The following SV2C variants were observed in gnomAD, a reference collection of about 807,000 sequenced individuals.
SV2C encodes solute carrier family 22 member B3.
A neutral mutation model predicts 79.7 loss-of-function variants in SV2C; 49 were observed. That is an observed-to-expected ratio of 0.61 (90% CI 0.49 to 0.78). The LOEUF (loss-of-function observed/expected upper bound fraction) is 0.78. SV2C is among the 30% of genes least tolerant of loss of function. The pLI, the probability that SV2C is intolerant of heterozygous loss-of-function variation, is 0.00. For missense variants in SV2C, 833 were observed against 912.9 expected, an observed-to-expected ratio of 0.91 and a Z score of 1.13; for synonymous variants, 334 against 333.2, an observed-to-expected ratio of 1.00 and a Z score of -0.03.
At chr5:75,994,934 C>G in the SV2C span, among the ~76,000 whole-genome samples, 1 of 152,154 alleles carries the variant, frequency 6.6e-6, no homozygotes, top group Non-Finnish European at 1.5e-5. Flanking sequence ...CAAGGGGAAT[C>G]AATGGTGTAG....
chr5:76,016,383 G>T, the SV2C span, among the ~76,000 whole-genome samples: 1 of 151,754 alleles, frequency 6.6e-6, no homozygotes, highest in Admixed American at 6.6e-5. Context: ...GACCAACCTG[G>T]AGAGGGGCAG....
Position 76,298,910 on chromosome 5 carries a change from CTGTTTTTGACAA to C in SV2C, c.1620_1631del (p.Val541_Asn544del). On this transcript the variant is annotated inframe_deletion, in exon 10 of 13. Coordinates refer to ENST00000502798, the MANE Select transcript of SV2C (RefSeq NM_014979.4). ...TTCAAGAACTGCACATTTATTGACA[CTGTTTTTGACAA>C]CACAGGTAGGTGTGCTACTTAGTAC... 1 of 1,613,822 alleles carries C rather than the reference CTGTTTTTGACAA, an allele frequency of 6.2e-7. No individual in the cohort carries two copies. Among genetic ancestry groups the C allele is most frequent in the Non-Finnish European group, 8.5e-7 (1 of 1,179,828 alleles).
intron 3 of SV2C, among the ~76,000 whole-genome samples, chr5:76,199,358 G>A (rs1363207667): frequency 1.3e-5 from 2 of 152,064 alleles, no homozygotes; most frequent in South Asian, 2.1e-4. Flanking sequence ...ATAGGCCCCC[G>A]CACTCCACGC....
Position 76,159,757 on chromosome 5 carries a change from C to T in SV2C, c.580+27427C>T, listed in dbSNP as rs183516614. 2.5e-3 allele frequency among the ~76,000 whole-genome samples: 387 copies of T among 152,142 alleles called. 1 individual carries two copies. Among genetic ancestry groups the T allele is most frequent in the Non-Finnish European group, 3.3e-3 (221 of 67,962 alleles). On this transcript the variant is annotated intron_variant, in intron 2 of 12. Transcript: ENST00000502798. Reference sequence around the variant, plus strand: ...AGGGCCTACCCTACTCTAGTATGACCTCACCTTAACTAATTACATCTGTAA... The same window carrying T: ...AGGGCCTACCCTACTCTAGTATGACTTCACCTTAACTAATTACATCTGTAA...
chr5:75,995,268 G>A, the SV2C span, among the ~76,000 whole-genome samples: 1 of 152,058 alleles, frequency 6.6e-6, no homozygotes, highest in African/African-American at 2.4e-5. Flanking sequence ...GTTAATACAT[G>A]AAATTAACCA....
At chr5:76,047,656 G>T in the SV2C span, among the ~76,000 whole-genome samples, 3 of 151,922 alleles carry the variant, frequency 2.0e-5, no homozygotes, top group Non-Finnish European at 4.4e-5. Flanking sequence ...AATTATGCTA[G>T]ACAGTAAACT....
the SV2C span, among the ~76,000 whole-genome samples, chr5:75,850,180 T>C: frequency 1.2e-4 from 19 of 152,306 alleles, no homozygotes; most frequent in Non-Finnish European, 2.5e-4. Context: ...ATCAAGCTGT[T>C]CATAAGCAGA....
chr5:75,933,077 G>A, the SV2C span, among the ~76,000 whole-genome samples: 1 of 152,090 alleles, frequency 6.6e-6, no homozygotes, highest in Non-Finnish European at 1.5e-5. Flanking sequence ...CTATGCAACT[G>A]ATGTTTCCTC....
chr5:75,920,117 A>C, the SV2C span, among the ~76,000 whole-genome samples: 9 of 152,220 alleles, frequency 5.9e-5, no homozygotes, highest in African/African-American at 1.9e-4. Context: ...TTAAGTAAGA[A>C]TCTATGGACA....
At chr5:76,291,450 TG>T in intron 7 of SV2C, 119 bp downstream of exon 7, 1 of 736,748 alleles carries the variant, frequency 1.4e-6, no homozygotes, top group Non-Finnish European at 2.2e-6. Context: ...CCAGGACACC[TG>T]ACTCCTGGAC....
intron 4 of SV2C, among the ~76,000 whole-genome samples, chr5:76,238,855 C>G (rs1390717614): frequency 6.6e-6 from 1 of 152,200 alleles, no homozygotes; most frequent in East Asian, 1.9e-4. Flanking sequence ...TTTAGTCTCA[C>G]ACTTAACTCA....
intron 4 of SV2C, among the ~76,000 whole-genome samples, chr5:76,266,993 G>A (rs1172398741): frequency 1.3e-5 from 2 of 152,206 alleles, no homozygotes; most frequent in East Asian, 3.8e-4. Flanking sequence ...GCACCAGCTA[G>A]CAGGCATCTG....
the SV2C span, among the ~76,000 whole-genome samples, chr5:75,949,244 G>A: frequency 6.6e-6 from 1 of 152,002 alleles, no homozygotes; most frequent in East Asian, 1.9e-4. Flanking sequence ...ATAGAACTGT[G>A]AGCCAATTAA....
chr5:75,976,640 T>C, the SV2C span, among the ~76,000 whole-genome samples: 1 of 152,062 alleles, frequency 6.6e-6, no homozygotes, highest in Admixed American at 6.6e-5. Flanking sequence ...TCAAAATCCA[T>C]TTCTAGATCC....
At position 76,132,264 on chromosome 5, in the gene SV2C, G is replaced by C. The variant is rs774819373; in HGVS notation, c.514G>C (p.Val172Leu). Reference protein sequence around the residue: ...LMADGVEVFVVGFVLPSAETD... With the variant: ...LMADGVEVFVLGFVLPSAETD... ...GGCAGACGGTGTAGAGGTGTTTGTC[G>C]TTGGCTTCGTGTTACCCAGTGCTGA... The change falls in exon 2 of 13, where the codon GTT becomes CTT. Residue 172 changes from valine to leucine, a missense_variant. Val to Leu is a conservative substitution (Grantham distance 32). Coordinates refer to ENST00000502798, the MANE Select transcript of SV2C (RefSeq NM_014979.4). 16 of 1,613,872 alleles carry C rather than the reference G, an allele frequency of 9.9e-6. No individual in the cohort carries two copies. The highest frequency in any genetic ancestry group is 1.4e-5 in the Non-Finnish European group (16 of 1,179,984).
the SV2C span, among the ~76,000 whole-genome samples, chr5:75,954,520 C>A: frequency 1.3e-5 from 2 of 151,710 alleles, no homozygotes; most frequent in African/African-American, 4.9e-5. Context: ...TCCTATTCAA[C>A]ATAGTGATGG....
chr5:76,077,125 G>A, the SV2C span, among the ~76,000 whole-genome samples: 2 of 152,114 alleles, frequency 1.3e-5, no homozygotes, highest in Non-Finnish European at 2.9e-5. Context: ...TCACAAAAGT[G>A]ACAATTAGTA....
chr5:75,896,310 G>A, the SV2C span, among the ~76,000 whole-genome samples: 201 of 150,670 alleles, frequency 1.3e-3, no homozygotes, highest in Middle Eastern at 3.4e-3. Flanking sequence ...GAGAACATGC[G>A]GTGTTTGGTT....
the SV2C span, among the ~76,000 whole-genome samples, chr5:75,881,330 G>T: frequency 1.3e-5 from 2 of 152,158 alleles, no homozygotes; most frequent in Non-Finnish European, 2.9e-5. Context: ...TTGCTGTGAA[G>T]TTTAAATACG....
Sources: allele counts gnomAD v4.1 joint callset (sites outside exome capture counted in the v4.1 genomes callset), GRCh38; gene constraint gnomAD v4.1.1; transcripts MANE v1.5; gene names NCBI Gene and HGNC (gene_info 2026-07-23, HGNC 2026-07-21).